Variants in ADAMTS13 observed in about 807,000 individuals in gnomAD.
ADAMTS13 encodes ADAM metallopeptidase with thrombospondin type 1 motif 13.
Under a neutral mutation model 155.1 loss-of-function variants are expected in ADAMTS13, and 110 were observed. That is an observed-to-expected ratio of 0.71 (90% CI 0.61 to 0.83). The LOEUF (loss-of-function observed/expected upper bound fraction) is 0.83. Among genes scored for constraint, ADAMTS13 ranks in the 40% least tolerant of loss-of-function variants. The probability of loss-of-function intolerance (pLI) is 0.00; values close to 1 mark genes in which losing one functional copy is unlikely to be tolerated. For missense variants in ADAMTS13, 1,707 were observed against 1,891.7 expected, an observed-to-expected ratio of 0.90 and a Z score of 1.81; for synonymous variants, 758 against 756.4, an observed-to-expected ratio of 1.00 and a Z score of -0.03.
chr9:133,445,857 A>G lies in ADAMTS13; in HGVS notation c.2731+38A>G, dbSNP rs1318698848. 1.3e-6 allele frequency: 2 copies of G among 1,533,378 alleles called. No homozygotes were observed. Among genetic ancestry groups the G allele is most frequent in the Non-Finnish European group, 1.8e-6 (2 of 1,137,884 alleles). The allele number at this position is 1,533,378 out of a possible 1,614,324, so 95.0% of individuals were successfully genotyped here. ...GGGATGCTCCTGGGGACCAGCACTC[A>G]TGGTAACTCTCCTGTCCACTTGCAT... On this transcript the variant is annotated intron_variant, in intron 21 of 28. Transcript: ENST00000355699. This position sits in a 1 kb window ranked among gnomAD's most constrained non-coding sequence, Gnocchi z 5.0.
Position 133,442,422 on chromosome 9 carries a change from G to C in ADAMTS13, c.1992G>C (p.Glu664Asp). Reference protein sequence around the residue: ...DIQVYRRYGEEYGNLTRPDIT... With the variant: ...DIQVYRRYGEDYGNLTRPDIT... ...AGGTTTACAGGCGGTATGGCGAGGA[G>C]TATGGCAACCTCACCCGCCCAGACA... is the stretch of plus-strand genomic sequence containing the variant. Residue 664 changes from glutamate (E) to aspartate (D), a missense_variant, in exon 17 of 29, where the codon GAG becomes GAC. This residue lies in a region of ADAMTS13 where 961 missense variants were observed against 1,107.9 expected (regional missense o/e 0.87). Coordinates refer to ENST00000355699, the MANE Select transcript of ADAMTS13 (RefSeq NM_139027.6). The C allele has an allele frequency of 6.2e-7, 1 of 1,613,942 alleles. No homozygotes were observed. Among genetic ancestry groups the C allele is most frequent in the Non-Finnish European group, 8.5e-7 (1 of 1,180,044 alleles).
chr9:133,445,964 C>T lies in ADAMTS13; in HGVS notation c.2731+145C>T. On this transcript the variant is annotated intron_variant, in intron 21 of 28. Transcript: ENST00000355699. This position sits in a 1 kb window ranked among gnomAD's most constrained non-coding sequence, Gnocchi z 5.0. ...GAACACGTGGTAATACACAAGGAGA[C>T]TAAGCATAGTAGCTGACAGCCACTT... is the stretch of plus-strand genomic sequence containing the variant. 8.2e-7 allele frequency: 1 copy of T among 1,220,428 alleles called. No homozygotes were observed. Among genetic ancestry groups the T allele is most frequent in the African/African-American group, 1.5e-5 (1 of 65,274 alleles). The allele number at this position is 1,220,428 out of a possible 1,614,324, so 75.6% of individuals were successfully genotyped here.
rs201607490 is a variant in ADAMTS13 at position 133,443,525 on chromosome 9, C to T, written c.2384C>T (p.Ala795Val). Reference protein sequence around the residue: ...CRAGAQQPAVALETCNPQPCP... With the variant: ...CRAGAQQPAVVLETCNPQPCP... ...GCAGGGGCCCAGCAGCCAGCTGTGG[C>T]GCTGGAAACCTGCAACCCCCAGCCC... The change falls in exon 19 of 29, where the codon GCG (alanine) becomes GTG (valine). Residue 795 changes from alanine (A) to valine (V), a missense_variant. By Grantham distance (64) the Ala-to-Val change is moderately conservative. Transcript: ENST00000355699. 411 of 1,574,754 alleles carry T rather than the reference C, an allele frequency of 2.6e-4. 1 individual carries two copies. The African/African-American group carries it at 3.4e-3, about 13-fold the overall frequency.
intron 21 of ADAMTS13, among the ~76,000 whole-genome samples, chr9:133,446,142 GTTC>G (rs1487056876): frequency 6.6e-6 from 1 of 152,136 alleles, no homozygotes; most frequent in African/African-American, 2.4e-5. Context: ...GATACACAGC[GTTC>G]TTCTATTTTC....
Position 133,441,916 on chromosome 9 carries a change from C to T in ADAMTS13, c.1969-483C>T, listed in dbSNP as rs587699283. 1.3e-5 allele frequency among the ~76,000 whole-genome samples: 2 copies of T among 152,310 alleles called. No homozygotes were observed. The highest frequency in any genetic ancestry group is 1.9e-4 in the East Asian group (1 of 5,172). On this transcript the variant is annotated intron_variant, in intron 16 of 28. Coordinates refer to ENST00000355699, the MANE Select transcript of ADAMTS13 (RefSeq NM_139027.6). The surrounding 1 kb of genome is among the most constrained non-coding windows in gnomAD (Gnocchi z 5.0). ...CCTGCCTCCTCCACTGCACTTTATC[C>T]TCTACCCAGCCAGCTTAGGGAACCT...
chr9:133,444,796 C>A, intron 19 of ADAMTS13, 67 bp from the exon 20 acceptor site: 1 of 1,541,242 alleles, frequency 6.5e-7, no homozygotes, highest in South Asian at 1.2e-5. Context: ...CTGCCCCTAG[C>A]AGCTGGGCTA....
rs1842939536 is a variant in ADAMTS13, at chr9:133,459,133, C to T, written c.4069C>T (p.Pro1357Ser). Residue 1357 changes from proline (P) to serine (S), a missense_variant, in exon 29 of 29, where the codon CCG becomes TCG. Physicochemically the swap from Pro to Ser is moderately conservative, Grantham distance 74 (BLOSUM62 -1). Around this residue, in one of 3 missense-constraint regions of ADAMTS13, gnomAD observed 961 missense variants for 1,107.9 expected, o/e 0.87. Coordinates refer to ENST00000355699, the MANE Select transcript of ADAMTS13 (RefSeq NM_139027.6). ...GQYWTLQSWV[P>S]EMQDPQSWKG... ...GTACTGGACCCTCCAATCATGGGTA[C>T]CGGAGATGCAGGACCCTCAGTCCTG... is the stretch of plus-strand genomic sequence containing the variant. 1 of 1,612,774 alleles carries T rather than the reference C, an allele frequency of 6.2e-7. No individual in the cohort carries two copies. Among genetic ancestry groups the T allele is most frequent in the South Asian group, 1.1e-5 (1 of 90,980 alleles).
rs1554792103 is a variant in ADAMTS13 at position 133,445,006 on chromosome 9, C to A, written c.2564C>A (p.Ala855Asp). ...GPGSVDEKLP[A>D]PEPCVGMSCP... ...GGCTCCGTAGATGAGAAGCTGCCTGCCCCTGAGCCCTGTGTCGGGATGTCA... is the reference window on the plus strand; with the variant it reads ...GGCTCCGTAGATGAGAAGCTGCCTGACCCTGAGCCCTGTGTCGGGATGTCA... The change falls in exon 20 of 29, where the codon GCC becomes GAC. Residue 855 changes from alanine to aspartate, a missense_variant. This residue lies in a region of ADAMTS13 where 961 missense variants were observed against 1,107.9 expected (regional missense o/e 0.87). Transcript: ENST00000355699. The surrounding 1 kb of genome is among the most constrained non-coding windows in gnomAD (Gnocchi z 5.0). 6.2e-7 allele frequency: 1 copy of A among 1,613,494 alleles called. No individual in the cohort carries two copies. Among genetic ancestry groups the A allele is most frequent in the Admixed American group, 1.7e-5 (1 of 60,030 alleles).
rs1841688402 is a variant in ADAMTS13 at position 133,441,761 on chromosome 9, C to G, written c.1969-638C>G. Among the ~76,000 whole-genome samples, 1 of 152,122 alleles carries G rather than the reference C, an allele frequency of 6.6e-6. No homozygotes were observed. Among genetic ancestry groups the G allele is most frequent in the South Asian group, 2.1e-4 (1 of 4,812 alleles). On this transcript the variant is annotated intron_variant, in intron 16 of 28. Transcript: ENST00000355699. This position sits in a 1 kb window ranked among gnomAD's most constrained non-coding sequence, Gnocchi z 5.0. ...GGGATCCAGTTTCTTCCTGCCGACC[C>G]TACCACAGGTCCCCAGGGATCCAGT... is the stretch of plus-strand genomic sequence containing the variant.
chr9:133,438,394 T>C, intron 14 of ADAMTS13, 28 bp downstream of exon 14: 1 of 1,612,248 alleles, frequency 6.2e-7, no homozygotes, highest in African/African-American at 1.3e-5. Context: ...GGGCAGAGGC[T>C]GGGCTTCCCC....
intron 11 of ADAMTS13, among the ~76,000 whole-genome samples, chr9:133,434,733 G>A (rs1189776208): frequency 2.0e-5 from 3 of 152,168 alleles, no homozygotes; most frequent in African/African-American, 4.8e-5. Context: ...GTTTCAGAAC[G>A]TTTCCAGTAC....
At position 133,455,406 on chromosome 9, in the gene ADAMTS13, G is replaced by T; in HGVS notation, c.3371G>T (p.Gly1124Val). 6.2e-7 allele frequency: 1 copy of T among 1,612,586 alleles called. No individual in the cohort carries two copies. Residue 1124 changes from glycine (G) to valine (V), a missense_variant, in exon 25 of 29, where the codon GGC (glycine) becomes GTC (valine). Coordinates refer to ENST00000355699, the MANE Select transcript of ADAMTS13 (RefSeq NM_139027.6). ...TTGCCCAAGCCGGTGACTGTGCGTG[G>T]CTGCTGGGCTGGGCCCTGTGTGGGA... Reference protein sequence around the residue: ...QHLPKPVTVRGCWAGPCVGQG... With the variant: ...QHLPKPVTVRVCWAGPCVGQG...
chr9:133,451,784 G>A (rs1016018116), intron 23 of ADAMTS13, among the ~76,000 whole-genome samples: 8 of 151,288 alleles, frequency 5.3e-5, no homozygotes, highest in Non-Finnish European at 7.4e-5. Context: ...CCAGCTACTC[G>A]GGAGGCTGAG....
Position 133,443,668 on chromosome 9 carries a change from G to A in ADAMTS13, c.2420+107G>A, listed in dbSNP as rs909827421. 1.7e-5 allele frequency: 22 copies of A among 1,296,788 alleles called. No individual in the cohort carries two copies. The Admixed American group carries it at 1.7e-4, about 10-fold the overall frequency. 80.3% of individuals were successfully genotyped at this position (1,296,788 alleles called of 1,614,324 possible). ...ATCCCCTCCTCCTGAGGCCTCCGGC[G>A]GGGCCTCACCATCCAGGGTGATGGG... On this transcript the variant is annotated intron_variant, in intron 19 of 28. Transcript: ENST00000355699.
rs80302966 is a variant in ADAMTS13 at position 133,434,976 on chromosome 9, G to C, written c.1308+1272G>C. ...GTGTCAGCGCCTCATTCCTCTTTCT[G>C]GCTGAATCATATTCCACTGCAGGGA... On this transcript the variant is annotated intron_variant, in intron 11 of 28. Coordinates refer to ENST00000355699, the MANE Select transcript of ADAMTS13 (RefSeq NM_139027.6). Among the ~76,000 whole-genome samples the C allele has an allele frequency of 2.6e-3, 394 of 152,264 alleles. 1 individual carries two copies. Among genetic ancestry groups the C allele is most frequent in the East Asian group, 0.02 (104 of 5,186 alleles).
intron 11 of ADAMTS13, among the ~76,000 whole-genome samples, chr9:133,434,817 T>G (rs28793911): frequency 2.0e-5 from 3 of 151,982 alleles, no homozygotes; most frequent in Non-Finnish European, 2.9e-5. Context: ...TCAGCGGCCA[T>G]TGGTTTCCCT....
intron 22 of ADAMTS13, among the ~76,000 whole-genome samples, chr9:133,449,345 A>AG: frequency 6.9e-6 from 1 of 145,926 alleles, no homozygotes; most frequent in Non-Finnish European, 1.5e-5. Flanking sequence ...GCAGGGGGAA[A>AG]GGGGGACAGA....
In ADAMTS13 at chr9:133,459,240, G is replaced by A; in HGVS notation, c.*60G>A. On this transcript the variant is annotated 3_prime_UTR_variant, in exon 29 of 29. Transcript: ENST00000355699. ...CCTGGAGGGTTGACCCCTGGTCTCA[G>A]TGCTTTCCAATTCGAACTTTTTCCA... 1 of 1,500,760 alleles carries A rather than the reference G, an allele frequency of 6.7e-7. No homozygotes were observed. The highest frequency in any genetic ancestry group is 9.1e-7 in the Non-Finnish European group (1 of 1,099,734). 93.0% of individuals were successfully genotyped at this position (1,500,760 alleles called of 1,614,324 possible).
chr9:133,422,381 A>G lies in ADAMTS13; in HGVS notation c.-63A>G, dbSNP rs1225565568. The G allele has an allele frequency of 2.8e-6, 4 of 1,444,030 alleles. No homozygotes were observed. Among genetic ancestry groups the G allele is most frequent in the Non-Finnish European group, 3.9e-6 (4 of 1,032,302 alleles). The allele number at this position is 1,444,030 out of a possible 1,614,324, so 89.5% of individuals were successfully genotyped here. A position where few individuals can be genotyped will look rare whatever the true frequency, so the allele number is the denominator to read the frequency against. On this transcript the variant is annotated 5_prime_UTR_variant, in exon 1 of 29. Coordinates refer to ENST00000355699, the MANE Select transcript of ADAMTS13 (RefSeq NM_139027.6). Reference sequence around the variant, plus strand: ...AGGCCTGTCCCATTCCATACTGACCAGATTCCCAGTCACCAAGGCCCCCTC... The same window carrying G: ...AGGCCTGTCCCATTCCATACTGACCGGATTCCCAGTCACCAAGGCCCCCTC...
Sources: allele counts gnomAD v4.1 joint callset (sites outside exome capture counted in the v4.1 genomes callset), GRCh38; gene constraint gnomAD v4.1.1; regional missense constraint gnomAD v4.1.1; non-coding constraint Gnocchi (gnomAD v3.1); transcripts MANE v1.5; gene names NCBI Gene and HGNC (gene_info 2026-07-23, HGNC 2026-07-21).